CNTNAP4: variants seen among roughly 807,000 people sequenced by gnomAD.
CNTNAP4 encodes the protein contactin associated protein family member 4, also known as contactin-associated protein-like 4.
In CNTNAP4, 98 loss-of-function variants were observed where a neutral mutation model predicts 148.4. The observed-to-expected ratio is 0.66, with a 90% CI of 0.56 to 0.78. The LOEUF is 0.78. Among genes scored for constraint, CNTNAP4 ranks in the 30% least tolerant of loss-of-function variants. The pLI is 0.00. For synonymous variants in CNTNAP4, 730 were observed against 565.1 expected (o/e 1.29, Z -4.14); for missense variants, 1,935 against 1,565.6 (o/e 1.24, Z -3.98).
intron 9 of CNTNAP4, among the ~76,000 whole-genome samples, chr16:76,462,906 T>C (rs533874435): frequency 6.6e-6 from 1 of 152,344 alleles, no homozygotes; most frequent in African/African-American, 2.4e-5. Flanking sequence ...GGAATCATTT[T>C]TGCATTTGAT....
intron 3 of CNTNAP4, among the ~76,000 whole-genome samples, chr16:76,420,135 C>G (rs2079124963): frequency 1.2e-5 from 1 of 86,636 alleles, no homozygotes; most frequent in African/African-American, 3.0e-5. Flanking sequence ...AGCAGTGTTT[C>G]ACTCTGAGAT....
intron 9 of CNTNAP4, among the ~76,000 whole-genome samples, chr16:76,466,347 C>G (rs903231006): frequency 1.3e-5 from 2 of 151,982 alleles, no homozygotes; most frequent in African/African-American, 4.8e-5. Context: ...TAGGATAGCA[C>G]AAGAGGGTAA....
At chr16:76,370,655 A>C (rs887479003) in intron 3 of CNTNAP4, among the ~76,000 whole-genome samples, 3 of 152,204 alleles carry the variant, frequency 2.0e-5, no homozygotes, top group African/African-American at 7.2e-5. Flanking sequence ...TAAGTGAAAC[A>C]GAACGATGAG....
chr16:76,523,444 C>G (rs1424192167), intron 17 of CNTNAP4, among the ~76,000 whole-genome samples: 1 of 151,776 alleles, frequency 6.6e-6, no homozygotes, highest in Admixed American at 6.6e-5. Context: ...CCTTTATTTC[C>G]TAAATCCATT....
chr16:76,405,814 C>T (rs904822583), intron 3 of CNTNAP4, among the ~76,000 whole-genome samples: 4 of 150,544 alleles, frequency 2.7e-5, no homozygotes, highest in Admixed American at 2.6e-4. Flanking sequence ...TAAATTGTCT[C>T]CTTTTTTTTT....
chr16:76,376,316 A>G (rs1004807592), intron 3 of CNTNAP4, among the ~76,000 whole-genome samples: 1 of 152,180 alleles, frequency 6.6e-6, no homozygotes, highest in Non-Finnish European at 1.5e-5. Context: ...GTGGAGTGGA[A>G]AAGAGAAAAC....
intron 2 of CNTNAP4, among the ~76,000 whole-genome samples, chr16:76,316,906 C>T (rs1442839707): frequency 6.6e-6 from 1 of 152,112 alleles, no homozygotes. Context: ...TTTGGATTCT[C>T]AATGTGGTTG....
At chr16:76,430,061 G>T (rs989562854) in intron 4 of CNTNAP4, among the ~76,000 whole-genome samples, 2 of 152,116 alleles carry the variant, frequency 1.3e-5, no homozygotes, top group African/African-American at 4.8e-5. Flanking sequence ...TACCTTATGG[G>T]AATGTATTTG....
intron 3 of CNTNAP4, among the ~76,000 whole-genome samples, chr16:76,384,105 A>G (rs372961468): frequency 1.1e-4 from 17 of 151,870 alleles, no homozygotes; most frequent in East Asian, 5.8e-4. Context: ...GTGCAGTGGC[A>G]CTATCTTGGC....
At chr16:76,366,750 A>G (rs1008422003) in intron 3 of CNTNAP4, among the ~76,000 whole-genome samples, 23 of 152,338 alleles carry the variant, frequency 1.5e-4, no homozygotes, top group Middle Eastern at 3.4e-3. Flanking sequence ...CCAACAGTGT[A>G]TAAGTAATCC....
chr16:76,446,263 A>T (rs2080240291), intron 4 of CNTNAP4, among the ~76,000 whole-genome samples: 1 of 152,186 alleles, frequency 6.6e-6, no homozygotes, highest in Non-Finnish European at 1.5e-5. Flanking sequence ...AGATGAGTAA[A>T]CTGGAATGTC....
At chr16:76,484,275 GAAAAAAA>G (rs10622949) in intron 12 of CNTNAP4, among the ~76,000 whole-genome samples, 1 of 71,228 alleles carries the variant, frequency 1.4e-5, no homozygotes, top group Admixed American at 2.4e-4. Flanking sequence ...GGAGAGAAAT[GAAAAAAA>G]AAAAAAAAAA....
intron 3 of CNTNAP4, among the ~76,000 whole-genome samples, chr16:76,405,571 TAAGG>T (rs112279075): frequency 0.03 from 4,631 of 152,210 alleles, 230 homozygotes; most frequent in African/African-American, 0.11. Flanking sequence ...AAGAAAATCA[TAAGG>T]AAGAGAAAAA....
intron 2 of CNTNAP4, among the ~76,000 whole-genome samples, chr16:76,330,962 T>C (rs1327944246): frequency 2.0e-5 from 3 of 152,244 alleles, no homozygotes; most frequent in South Asian, 4.1e-4. Context: ...AATTGGACTT[T>C]ATTTGATGAG....
At chr16:76,427,387 T>A in intron 3 of CNTNAP4, 65 bp from the exon 4 acceptor site, 1 of 1,410,132 alleles carries the variant, frequency 7.1e-7, no homozygotes, top group South Asian at 1.4e-5. Flanking sequence ...ATAGACATTA[T>A]AGGTGACAAG....
intron 15 of CNTNAP4, among the ~76,000 whole-genome samples, chr16:76,502,490 A>G (rs1166425012): frequency 6.6e-6 from 1 of 151,982 alleles, no homozygotes; most frequent in Non-Finnish European, 1.5e-5. Flanking sequence ...CATTACTTTG[A>G]AGGCATCAGG....
intron 17 of CNTNAP4, among the ~76,000 whole-genome samples, chr16:76,533,381 T>A (rs1166313433): frequency 6.6e-6 from 1 of 152,142 alleles, no homozygotes; most frequent in African/African-American, 2.4e-5. Flanking sequence ...GATATACTAT[T>A]ACAGCTAGAC....
At chr16:76,468,333 G>A (rs1232461511) in intron 10 of CNTNAP4, among the ~76,000 whole-genome samples, 1 of 152,034 alleles carries the variant, frequency 6.6e-6, no homozygotes, top group Non-Finnish European at 1.5e-5. Flanking sequence ...AATTAGCTGG[G>A]CATGGTGGCG....
intron 3 of CNTNAP4, among the ~76,000 whole-genome samples, chr16:76,362,642 A>G (rs1033388022): frequency 2.0e-5 from 3 of 152,206 alleles, no homozygotes; most frequent in Non-Finnish European, 4.4e-5. Context: ...GGTGTCAAGA[A>G]CAAACAAAGG....
Sources: allele counts gnomAD v4.1 joint callset (sites outside exome capture counted in the v4.1 genomes callset), GRCh38; gene constraint gnomAD v4.1.1; transcripts MANE v1.5; gene names NCBI Gene and HGNC (gene_info 2026-07-23, HGNC 2026-07-21).